The following PHF24 variants were observed in gnomAD, a reference collection of about 807,000 sequenced individuals.
PHF24 encodes Galpha inhibitory interacting protein.
In PHF24, 25 loss-of-function variants were observed where a neutral mutation model predicts 42.6. That is an observed-to-expected ratio of 0.59 (90% CI 0.43 to 0.82). The LOEUF is 0.82. Among genes scored for constraint, PHF24 ranks in the 40% least tolerant of loss-of-function variants. PHF24 has a pLI of 0.00. For synonymous variants in PHF24, 185 were observed against 204.8 expected (o/e 0.90, Z 0.83); for missense variants, 470 against 538.1 (o/e 0.87, Z 1.25).
chr9:34,977,757 C>T (rs1827253783), intron 7 of PHF24, 116 bp downstream of exon 7: 1 of 948,206 alleles, frequency 1.1e-6, no homozygotes, highest in Non-Finnish European at 1.6e-6. Context: ...ACCCAAGAAA[C>T]CAGGCTCCAA....
At chr9:34,736,926 G>T in the PHF24 span, among the ~76,000 whole-genome samples, 1 of 152,004 alleles carries the variant, frequency 6.6e-6, no homozygotes, top group East Asian at 1.9e-4. Flanking sequence ...ATGAGAGAGA[G>T]ATAAATATGT....
the PHF24 span, among the ~76,000 whole-genome samples, chr9:34,796,422 T>TA: frequency 0.43 from 64,743 of 150,774 alleles, 15,577 homozygotes; most frequent in Non-Finnish European, 0.55. Flanking sequence ...TTAAAAAATT[T>TA]AAAAAAAAAC....
At chr9:34,850,135 C>G in the PHF24 span, among the ~76,000 whole-genome samples, 6 of 152,108 alleles carry the variant, frequency 3.9e-5, no homozygotes, top group Non-Finnish European at 5.9e-5. Context: ...TTTCCTGAAT[C>G]TGAATGTTGG....
At chr9:34,776,109 T>C in the PHF24 span, among the ~76,000 whole-genome samples, 1 of 152,204 alleles carries the variant, frequency 6.6e-6, no homozygotes, top group Non-Finnish European at 1.5e-5. Flanking sequence ...TTAGGAGTGA[T>C]TGCCAACGGG....
At chr9:34,788,113 C>T in the PHF24 span, among the ~76,000 whole-genome samples, 1 of 152,292 alleles carries the variant, frequency 6.6e-6, no homozygotes, top group African/African-American at 2.4e-5. Context: ...TCATGGCTCA[C>T]TGCAGCCTTG....
the PHF24 span, among the ~76,000 whole-genome samples, chr9:34,777,060 G>T: frequency 1.3e-5 from 2 of 152,230 alleles, no homozygotes; most frequent in Admixed American, 6.5e-5. Context: ...ATTTTCTGGG[G>T]ATGGGGATGC....
At position 34,972,328 on chromosome 9, in the gene PHF24, C is replaced by G. The variant is rs374125052; in HGVS notation, c.379-18C>G. On this transcript the variant is annotated intron_variant, in intron 2 of 7. Coordinates refer to ENST00000242315, the Ensembl canonical transcript of PHF24. ...CTACATTTACACATCCCTGTTTCCT[C>G]CTGCCATCTTTCTGCAGGTTGTCAA... is the stretch of plus-strand genomic sequence containing the variant. 3.8e-6 allele frequency: 6 copies of G among 1,589,176 alleles called. No individual in the cohort carries two copies. In the African/African-American group the frequency reaches 8.1e-5, roughly 21 times the overall value.
chr9:34,728,081 A>G, the PHF24 span: 1 of 1,551,914 alleles, frequency 6.4e-7, no homozygotes, highest in East Asian at 2.4e-5. Flanking sequence ...AACGTCTCCT[A>G]GCTGAGGAAC....
At chr9:34,683,532 C>T in the PHF24 span, among the ~76,000 whole-genome samples, 1 of 152,232 alleles carries the variant, frequency 6.6e-6, no homozygotes, top group South Asian at 2.1e-4. Context: ...AAGGGTCTCA[C>T]GTGTCTGGGT....
the PHF24 span, among the ~76,000 whole-genome samples, chr9:34,862,153 G>A: frequency 6.6e-6 from 1 of 152,148 alleles, no homozygotes; most frequent in Admixed American, 6.5e-5. Context: ...GAGAATTTGA[G>A]TTCCAGCAAG....
At chr9:34,742,881 T>C in the PHF24 span, among the ~76,000 whole-genome samples, 1 of 152,258 alleles carries the variant, frequency 6.6e-6, no homozygotes, top group Non-Finnish European at 1.5e-5. Flanking sequence ...ATAGTTCAGG[T>C]ATTGAACTGC....
At chr9:34,878,979 C>T in the PHF24 span, among the ~76,000 whole-genome samples, 1 of 152,178 alleles carries the variant, frequency 6.6e-6, no homozygotes, top group Non-Finnish European at 1.5e-5. Context: ...ACTGACACCT[C>T]ATACAGCCAG....
chr9:34,917,511 A>G, the PHF24 span: 36 of 773,544 alleles, frequency 4.7e-5, no homozygotes, highest in Admixed American at 6.0e-4. Flanking sequence ...GCAGAGACCA[A>G]TTTGAGGCAC....
At chr9:34,721,854 CA>C in the PHF24 span, among the ~76,000 whole-genome samples, 1 of 152,212 alleles carries the variant, frequency 6.6e-6, no homozygotes, top group Non-Finnish European at 1.5e-5. Flanking sequence ...ACTTTTCATG[CA>C]GTTGATCTCT....
the PHF24 span, among the ~76,000 whole-genome samples, chr9:34,768,674 C>A: frequency 2.0e-5 from 3 of 152,196 alleles, no homozygotes; most frequent in Admixed American, 2.0e-4. Context: ...GGAACACTCT[C>A]ACTAAAGACT....
intron 1 of PHF24, among the ~76,000 whole-genome samples, chr9:34,964,618 G>A (rs1826704836): frequency 6.6e-6 from 1 of 152,034 alleles, no homozygotes; most frequent in African/African-American, 2.4e-5. Flanking sequence ...CCACCACTTT[G>A]CCCTTATTAA....
At chr9:34,746,882 A>G in the PHF24 span, among the ~76,000 whole-genome samples, 1 of 152,234 alleles carries the variant, frequency 6.6e-6, no homozygotes, top group African/African-American at 2.4e-5. Context: ...CAAATCATAA[A>G]GCTTCTAGAA....
At chr9:34,722,682 T>C in the PHF24 span, among the ~76,000 whole-genome samples, 202 of 152,356 alleles carry the variant, frequency 1.3e-3, 1 homozygote, top group African/African-American at 4.5e-3. Flanking sequence ...ACCAGCTGAT[T>C]GCTTCCTCCT....
At chr9:34,743,576 C>G in the PHF24 span, among the ~76,000 whole-genome samples, 2 of 152,198 alleles carry the variant, frequency 1.3e-5, no homozygotes, top group Non-Finnish European at 2.9e-5. Flanking sequence ...GAAGAACTCA[C>G]GATATTAGCC....
Sources: gnomAD v4.1 joint callset for allele counts (sites outside exome capture counted in the v4.1 genomes callset) on GRCh38, gnomAD v4.1.1 for gene constraint, MANE v1.5 for transcripts, NCBI Gene and HGNC (gene_info 2026-07-23, HGNC 2026-07-21) for gene names.